The following RASSF3 variants were observed in gnomAD, a reference collection of about 807,000 sequenced individuals.
The protein encoded by RASSF3 is ras association domain-containing protein 3.
A neutral mutation model predicts 19.9 loss-of-function variants in RASSF3; 19 were observed. The ratio of observed to expected loss-of-function variants is 0.96; its 90% CI spans 0.67 to 1.40. The LOEUF is 1.40. Ranked by LOEUF, RASSF3 falls within the 40% of genes most tolerant of loss-of-function variation. The pLI, the probability that RASSF3 is intolerant of heterozygous loss-of-function variation, is 0.00. For missense variants in RASSF3, 306 were observed against 289.8 expected (o/e 1.06, Z -0.41); for synonymous variants, 110 against 104.2 (o/e 1.06, Z -0.34).
At chr12:64,556,042 AG>A (rs1216260715) in intron 2 of RASSF3, among the ~76,000 whole-genome samples, 2 of 152,160 alleles carry the variant, frequency 1.3e-5, no homozygotes, top group Non-Finnish European at 2.9e-5. Flanking sequence ...GATAAAGGGG[AG>A]GGAGCCAGAG....
chr12:64,685,393 T>C (rs1406670964), intron 2 of RASSF3, among the ~76,000 whole-genome samples: 1 of 152,054 alleles, frequency 6.6e-6, no homozygotes, highest in Non-Finnish European at 1.5e-5. Flanking sequence ...CACAGGTGCT[T>C]GCCACCATGC....
chr12:64,507,201 T>C (rs1445135326), exon 1 of RASSF3: 1 of 398,548 alleles, frequency 2.5e-6, no homozygotes, highest in African/African-American at 2.1e-5. Context: ...CTCCTGGTTC[T>C]CGCTATGGCC....
chr12:64,541,160 A>G (rs2136114766), intron 1 of RASSF3, among the ~76,000 whole-genome samples: 1 of 147,054 alleles, frequency 6.8e-6, no homozygotes, highest in South Asian at 2.2e-4. Flanking sequence ...TGATTTTTGT[A>G]TTTTTAACAG....
Position 64,602,103 on chromosome 12 carries a change from C to T in RASSF3, c.294+60398C>T, listed in dbSNP as rs529814183. Among the ~76,000 whole-genome samples, 15 of 145,776 alleles carry T rather than the reference C, an allele frequency of 1.0e-4. No homozygotes were observed. The South Asian group carries it at 1.7e-3, about 17-fold the overall frequency. ...CTGCACTCCAGCCTGGGTGACAGAGCGACTTCGTCTCAGAAAAAAAAAAAA... is the reference window on the plus strand; with the variant it reads ...CTGCACTCCAGCCTGGGTGACAGAGTGACTTCGTCTCAGAAAAAAAAAAAA... On this transcript the variant is annotated intron_variant, in intron 2 of 5. Transcript: ENST00000637125.
rs1052747728 is a variant in RASSF3, at chr12:64,643,730, G to GA, written c.111+32994dup. The stretch of plus-strand genomic sequence containing the variant: ...CCTACAACTCTTCTGTTTTATAACT[G>GA]AAAAAAATGTTTTGCATGTGAATTT... On this transcript the variant is annotated intron_variant, in intron 1 of 4. Transcript: ENST00000542104. 2.8e-4 allele frequency among the ~76,000 whole-genome samples: 42 copies of GA among 152,060 alleles called. 1 individual carries two copies. The highest frequency in any genetic ancestry group is 3.4e-3 in the Middle Eastern group (1 of 294).
chr12:64,668,882 C>T (rs1229986089), intron 1 of RASSF3, among the ~76,000 whole-genome samples: 3 of 151,512 alleles, frequency 2.0e-5, no homozygotes, highest in African/African-American at 7.3e-5. Flanking sequence ...GGGGTTTCAC[C>T]GTGGTCTCGA....
chr12:64,610,612 G>C lies in RASSF3; in HGVS notation c.-21G>C. ...CGCCTGCGCCCCGGGGAGGCCGCCC[G>C]CGCGCGACGGGACCGGCAGCATGAG... On this transcript the variant is annotated 5_prime_UTR_variant, in exon 1 of 5. Coordinates refer to ENST00000542104, the MANE Select transcript of RASSF3 (RefSeq NM_178169.4). 1 of 1,470,006 alleles carries C rather than the reference G, an allele frequency of 6.8e-7. No homozygotes were observed. The highest frequency in any genetic ancestry group is 9.1e-7 in the Non-Finnish European group (1 of 1,103,004). The allele number at this position is 1,470,006 out of a possible 1,614,324, so 91.1% of individuals were successfully genotyped here. A position where few individuals can be genotyped will look rare whatever the true frequency, so the allele number is the denominator to read the frequency against.
At chr12:64,607,713 G>A (rs1870218549), upstream of RASSF3, among the ~76,000 whole-genome samples, 4 of 151,896 alleles carry the variant, frequency 2.6e-5, no homozygotes, top group African/African-American at 9.7e-5. Flanking sequence ...CTTAAAAGCA[G>A]TGCTTCCATT....
At chr12:64,549,494 A>G (rs978925334) in intron 2 of RASSF3, among the ~76,000 whole-genome samples, 1 of 152,210 alleles carries the variant, frequency 6.6e-6, no homozygotes, top group Non-Finnish European at 1.5e-5. Context: ...ACTAGATTCA[A>G]TGACATAAAG....
chr12:64,602,839 C>T (rs1170307494), intron 2 of RASSF3, among the ~76,000 whole-genome samples: 2 of 152,070 alleles, frequency 1.3e-5, no homozygotes, highest in Admixed American at 1.3e-4. Flanking sequence ...TGGTGGCTCA[C>T]GCCTGTAATC....
At chr12:64,692,661 T>C (rs1868302523) in intron 4 of RASSF3, among the ~76,000 whole-genome samples, 1 of 152,214 alleles carries the variant, frequency 6.6e-6, no homozygotes. Context: ...CTACTCAGTG[T>C]TTTATTTTTC....
intron 1 of RASSF3, among the ~76,000 whole-genome samples, chr12:64,519,245 GA>G (rs1232426889): frequency 1.5e-4 from 23 of 152,036 alleles, no homozygotes; most frequent in African/African-American, 5.3e-4. Flanking sequence ...ACTAAAAATA[GA>G]AAAGTTAGCT....
At chr12:64,682,148 G>A (rs1177533952) in intron 1 of RASSF3, among the ~76,000 whole-genome samples, 1 of 152,118 alleles carries the variant, frequency 6.6e-6, no homozygotes, top group Non-Finnish European at 1.5e-5. Context: ...TGCTCCCAAG[G>A]GACTTTGAAG....
At position 64,552,938 on chromosome 12, in the gene RASSF3, C is replaced by T. The variant is rs542627628; in HGVS notation, c.294+11233C>T. ...AAAAATAGCAACTTGGGGCCGGGCT[C>T]GGTGGCTCACACCTATAATCCCAGT... On this transcript the variant is annotated intron_variant, in intron 2 of 5. Coordinates refer to the RASSF3 transcript ENST00000637125. 3.9e-5 allele frequency among the ~76,000 whole-genome samples: 6 copies of T among 152,208 alleles called. No homozygotes were observed. In the South Asian group the frequency reaches 1.0e-3, roughly 26 times the overall value.
chr12:64,598,199 G>A (rs138904497), intron 2 of RASSF3, among the ~76,000 whole-genome samples: 2 of 152,294 alleles, frequency 1.3e-5, no homozygotes, highest in East Asian at 1.9e-4. Flanking sequence ...GATTACAGGC[G>A]TGAGCCACCT....
chr12:64,690,381 C>T (rs1868264575), intron 3 of RASSF3, among the ~76,000 whole-genome samples: 1 of 151,592 alleles, frequency 6.6e-6, no homozygotes, highest in Non-Finnish European at 1.5e-5. Context: ...AGAGTTTCAC[C>T]ATGTTGGTGG....
In RASSF3 at chr12:64,624,139, C is replaced by T. The variant is rs554376196; in HGVS notation, c.111+13396C>T. ...AAGAGAATTTGGGCTTATTGTGTAGCGGAACGAGTACGTTTCATAAAGGCA... is the reference window on the plus strand; with the variant it reads ...AAGAGAATTTGGGCTTATTGTGTAGTGGAACGAGTACGTTTCATAAAGGCA... On this transcript the variant is annotated intron_variant, in intron 1 of 4. Transcript: ENST00000542104. Among the ~76,000 whole-genome samples, 55 of 151,996 alleles carry T rather than the reference C, an allele frequency of 3.6e-4. 1 individual carries two copies. Among genetic ancestry groups the T allele is most frequent in the South Asian group, 1.5e-3 (7 of 4,822 alleles).
At chr12:64,577,296 TC>T in intron 2 of RASSF3, among the ~76,000 whole-genome samples, 1 of 152,330 alleles carries the variant, frequency 6.6e-6, no homozygotes, top group Non-Finnish European at 1.5e-5. Context: ...GCTTTCCCCA[TC>T]TTTGAGGCTG....
intron 2 of RASSF3, among the ~76,000 whole-genome samples, chr12:64,552,424 A>G (rs9795624): frequency 0.14 from 21,641 of 152,042 alleles, 1,919 homozygotes; most frequent in African/African-American, 0.24. Flanking sequence ...GATTTGTTAC[A>G]TAGGCAGATG....
Sources: gnomAD v4.1 joint callset for allele counts (sites outside exome capture counted in the v4.1 genomes callset) on GRCh38, gnomAD v4.1.1 for gene constraint, MANE v1.5 for transcripts, NCBI Gene and HGNC (gene_info 2026-07-23, HGNC 2026-07-21) for gene names.